Variants in SLC24A3 observed in about 807,000 individuals in gnomAD.
SLC24A3 encodes solute carrier family 24 member 3, also known as sodium/potassium/calcium exchanger 3.
A neutral mutation model predicts 75.8 loss-of-function variants in SLC24A3; 28 were observed. The observed-to-expected ratio is 0.37, with a 90% confidence interval of 0.27 to 0.51. The LOEUF is 0.51. Ranked by LOEUF, SLC24A3 falls within the 20% of genes least tolerant of loss-of-function variation. SLC24A3 has a pLI of 0.94. For synonymous variants in SLC24A3, 372 were observed against 334.1 expected (o/e 1.11, Z -1.24); for missense variants, 663 against 847.8 (o/e 0.78, Z 2.71).
chr20:19,674,142 C>T (rs187307278), intron 9 of SLC24A3, among the ~76,000 whole-genome samples: 55 of 152,244 alleles, frequency 3.6e-4, no homozygotes, highest in African/African-American at 1.3e-3. Flanking sequence ...CATATCCTGG[C>T]ATGGAGTTAT....
intron 3 of SLC24A3, among the ~76,000 whole-genome samples, chr20:19,515,894 T>C (rs2029978397): frequency 6.6e-6 from 1 of 152,206 alleles, no homozygotes; most frequent in South Asian, 2.1e-4. Flanking sequence ...AACTGGCCTT[T>C]CTGAAATGCC....
intron 12 of SLC24A3, among the ~76,000 whole-genome samples, chr20:19,687,202 T>C (rs1164695169): frequency 2.0e-5 from 3 of 152,198 alleles, no homozygotes; most frequent in Non-Finnish European, 4.4e-5. Flanking sequence ...CACCGGTTCA[T>C]TGCGGCTGTG....
intron 6 of SLC24A3, among the ~76,000 whole-genome samples, chr20:19,620,380 G>A (rs1388368630): frequency 2.6e-5 from 4 of 152,206 alleles, no homozygotes; most frequent in South Asian, 2.1e-4. Flanking sequence ...CAAATTCAAG[G>A]CTCTTTCAAA....
chr20:19,551,403 A>C (rs1348512089), intron 3 of SLC24A3, among the ~76,000 whole-genome samples: 1 of 152,218 alleles, frequency 6.6e-6, no homozygotes, highest in Non-Finnish European at 1.5e-5. Context: ...GAAATGGAGA[A>C]GCAGGTATTA....
In SLC24A3 at chr20:19,721,300, C is replaced by A; in HGVS notation, c.*160C>A. On this transcript the variant is annotated 3_prime_UTR_variant, in exon 17 of 17. Coordinates refer to ENST00000328041, the MANE Select transcript of SLC24A3 (RefSeq NM_020689.4). Reference sequence around the variant, plus strand: ...TTTGGTGGCCCAGGCTCTCCCCTGACCCATCCTCGCTCCCCCACCTCCTTG... The same window carrying A: ...TTTGGTGGCCCAGGCTCTCCCCTGAACCATCCTCGCTCCCCCACCTCCTTG... 1.3e-6 allele frequency: 1 copy of A among 769,260 alleles called. No individual in the cohort carries two copies. Among genetic ancestry groups the A allele is most frequent in the Middle Eastern group, 3.8e-4 (1 of 2,612 alleles). 47.7% of individuals were successfully genotyped at this position (769,260 alleles called of 1,614,324 possible). A position where few individuals can be genotyped will look rare whatever the true frequency, so the allele number is the denominator to read the frequency against.
At chr20:19,481,832 C>T (rs766726588) in intron 2 of SLC24A3, among the ~76,000 whole-genome samples, 17 of 152,068 alleles carry the variant, frequency 1.1e-4, no homozygotes, top group Admixed American at 2.0e-4. Context: ...TTGGCCCCTC[C>T]CCTTAGGGTT....
At chr20:19,481,160 G>A (rs750913735) in intron 2 of SLC24A3, among the ~76,000 whole-genome samples, 1 of 152,174 alleles carries the variant, frequency 6.6e-6, no homozygotes, top group Non-Finnish European at 1.5e-5. Context: ...CCAGTCCAGA[G>A]GAAGAAATAG....
intron 6 of SLC24A3, among the ~76,000 whole-genome samples, chr20:19,634,249 G>A (rs1223310996): frequency 6.6e-6 from 1 of 152,158 alleles, no homozygotes; most frequent in Non-Finnish European, 1.5e-5. Context: ...TTCCAGTGCA[G>A]TAATGCTGGC....
chr20:19,494,977 G>C (rs1984571), intron 2 of SLC24A3, among the ~76,000 whole-genome samples: 23 of 152,154 alleles, frequency 1.5e-4, no homozygotes, highest in African/African-American at 5.5e-4. Flanking sequence ...CAGGAAAGGA[G>C]GCAACAAAGG....
At chr20:19,429,704 C>T (rs967187044) in intron 2 of SLC24A3, among the ~76,000 whole-genome samples, 12 of 151,956 alleles carry the variant, frequency 7.9e-5, no homozygotes, top group Non-Finnish European at 1.8e-4. Context: ...CTGGGCCGGC[C>T]GACTCTATAT....
At chr20:19,371,654 G>A (rs916195207) in intron 2 of SLC24A3, among the ~76,000 whole-genome samples, 3 of 152,174 alleles carry the variant, frequency 2.0e-5, no homozygotes, top group South Asian at 2.1e-4. Context: ...AAAGCTTTTG[G>A]CTGTCCATGT....
rs1290051360 is a variant in SLC24A3, at chr20:19,280,992, G to C, written c.176G>C (p.Arg59Thr). Residue 59 changes from arginine (R) to threonine (T), a missense_variant, in exon 2 of 17, where the codon AGA becomes ACA. By Grantham distance (71) the Arg-to-Thr change is moderately conservative. Around this residue, in one of 2 missense-constraint regions of SLC24A3, gnomAD observed 153 missense variants for 144.2 expected, o/e 1.06. Coordinates refer to ENST00000328041, the MANE Select transcript of SLC24A3 (RefSeq NM_020689.4). Reference protein sequence around the residue: ...LDLMDLVGEDRKWMMARKLMQ... With the variant: ...LDLMDLVGEDTKWMMARKLMQ... ...CTCATGGACCTCGTAGGGGAAGACA[G>C]AAAGTGGATGATGGCGAGGAAGCTG... The C allele has an allele frequency of 6.2e-7, 1 of 1,614,074 alleles. No individual in the cohort carries two copies. Among genetic ancestry groups the C allele is most frequent in the Non-Finnish European group, 8.5e-7 (1 of 1,179,960 alleles).
In SLC24A3 at chr20:19,280,947, T is replaced by C. The variant is rs763990552; in HGVS notation, c.143-12T>C. 6.2e-7 allele frequency: 1 copy of C among 1,612,750 alleles called. No individual in the cohort carries two copies. ...TGTGAATGATGTGTGGTTATTGTCT[T>C]TGTCTCCCCAGAGCTTGACCTCATG... is the stretch of plus-strand genomic sequence containing the variant. On this transcript the variant is annotated splice_polypyrimidine_tract_variant and intron_variant, in intron 1 of 16. Coordinates refer to ENST00000328041, the MANE Select transcript of SLC24A3 (RefSeq NM_020689.4).
intron 12 of SLC24A3, among the ~76,000 whole-genome samples, chr20:19,688,514 G>C (rs1249454900): frequency 2.0e-5 from 3 of 152,216 alleles, no homozygotes; most frequent in African/African-American, 7.2e-5. Context: ...TCTGCTTATG[G>C]GTGAGAAGCC....
intron 1 of SLC24A3, among the ~76,000 whole-genome samples, chr20:19,248,086 A>AT (rs1160157073): frequency 6.6e-6 from 1 of 152,184 alleles, no homozygotes; most frequent in Non-Finnish European, 1.5e-5. Context: ...TTTTCAGTCC[A>AT]TTTTTGTTCC....
chr20:19,379,638 G>A (rs145434337), intron 2 of SLC24A3, among the ~76,000 whole-genome samples: 3 of 152,270 alleles, frequency 2.0e-5, no homozygotes, highest in Non-Finnish European at 4.4e-5. Context: ...GGGGTTGGCA[G>A]AATTAAGCCA....
In SLC24A3 at chr20:19,691,205, G is replaced by T. The variant is rs535356651; in HGVS notation, c.1325-2054G>T. Among the ~76,000 whole-genome samples the T allele has an allele frequency of 2.0e-5, 3 of 152,326 alleles. No homozygotes were observed. The South Asian group carries it at 6.2e-4, about 32-fold the overall frequency. ...TATTTGCTATGAAACAAATAGAAAA[G>T]CTGGAGTGAGATGATGAGAGTTATA... On this transcript the variant is annotated intron_variant, in intron 12 of 16. Transcript: ENST00000328041.
intron 2 of SLC24A3, among the ~76,000 whole-genome samples, chr20:19,507,073 A>C (rs6075521): frequency 0.1 from 15,812 of 152,258 alleles, 1,024 homozygotes; most frequent in South Asian, 0.19. Flanking sequence ...ATATTTAGAA[A>C]ATTAAGTTAT....
chr20:19,361,219 C>A (rs1390158050), intron 2 of SLC24A3, among the ~76,000 whole-genome samples: 1 of 152,204 alleles, frequency 6.6e-6, no homozygotes, highest in East Asian at 1.9e-4. Context: ...TTGCAACAAT[C>A]CATCAGCACT....
Sources: allele counts gnomAD v4.1 joint callset (sites outside exome capture counted in the v4.1 genomes callset), GRCh38; gene constraint gnomAD v4.1.1; regional missense constraint gnomAD v4.1.1; transcripts MANE v1.5; gene names NCBI Gene and HGNC (gene_info 2026-07-23, HGNC 2026-07-21).